The following PRDM5 variants were observed in gnomAD, a reference collection of about 807,000 sequenced individuals.
PRDM5 encodes PR domain zinc finger protein 5.
PRDM5 carries 56 observed loss-of-function variants against 81.2 expected under a neutral mutation model. That is an observed-to-expected ratio of 0.69 (90% CI 0.56 to 0.86). The LOEUF (loss-of-function observed/expected upper bound fraction) is 0.86. Among genes scored for constraint, PRDM5 ranks in the 40% least tolerant of loss-of-function variants. The pLI, the probability that PRDM5 is intolerant of heterozygous loss-of-function variation, is 0.00. For missense variants in PRDM5, 697 were observed against 770.1 expected (o/e 0.91, Z 1.12); for synonymous variants, 267 against 256.4 (o/e 1.04, Z -0.39).
chr4:120,888,773 T>A lies in PRDM5; in HGVS notation c.177+18701A>T, dbSNP rs79723083. On this transcript the variant is annotated intron_variant, in intron 2 of 15. Transcript: ENST00000264808. ...TTGCAAACATTTGACATTGTCTTTT[T>A]AATTTTAGTCATTTTGGTGAACATA... 9.8e-5 allele frequency among the ~76,000 whole-genome samples: 15 copies of A among 152,338 alleles called. No individual in the cohort carries two copies. The East Asian group carries it at 2.9e-3, about 29-fold the overall frequency.
rs2148982690 is a variant in PRDM5 at position 120,693,969 on chromosome 4, C to G, written c.*1142G>C. The G allele has an allele frequency of 6.6e-6, 1 of 152,064 alleles. No homozygotes were observed. Among genetic ancestry groups the G allele is most frequent in the South Asian group, 2.1e-4 (1 of 4,814 alleles). The allele number at this position is 152,064 out of a possible 1,614,324, so 9.4% of individuals were successfully genotyped here. Reference sequence around the variant, plus strand: ...AAATTATGCTTCTTGCTTCAATTTCCCTTAAGCATCAGTGACAGTTTCAAT... The same window carrying G: ...AAATTATGCTTCTTGCTTCAATTTCGCTTAAGCATCAGTGACAGTTTCAAT... On this transcript the variant is annotated 3_prime_UTR_variant, in exon 16 of 16. Coordinates refer to ENST00000264808, the MANE Select transcript of PRDM5 (RefSeq NM_018699.4).
intron 10 of PRDM5, among the ~76,000 whole-genome samples, chr4:120,793,598 T>C (rs1344213613): frequency 6.6e-6 from 1 of 152,212 alleles, no homozygotes; most frequent in East Asian, 1.9e-4. Context: ...TGTATTGTAC[T>C]TGAAGATTGC....
intron 8 of PRDM5, among the ~76,000 whole-genome samples, 193 bp from the exon 9 acceptor site, chr4:120,799,938 A>C (rs1209236116): frequency 6.6e-6 from 1 of 152,234 alleles, no homozygotes; most frequent in Non-Finnish European, 1.5e-5. Flanking sequence ...GTAGTAAAAA[A>C]TATCTTTTGA....
At chr4:120,746,833 G>A (rs1251081426) in intron 14 of PRDM5, among the ~76,000 whole-genome samples, 1 of 145,382 alleles carries the variant, frequency 6.9e-6, no homozygotes, top group African/African-American at 2.6e-5. Context: ...TACACTGTTG[G>A]TGGGACTGTA....
At chr4:120,776,306 C>T (rs907722189) in intron 13 of PRDM5, among the ~76,000 whole-genome samples, 6 of 152,294 alleles carry the variant, frequency 3.9e-5, no homozygotes, top group South Asian at 2.1e-4. Context: ...GTCCCTTCCT[C>T]CACCTATATC....
At chr4:120,739,633 C>G (rs1471577929) in intron 14 of PRDM5, among the ~76,000 whole-genome samples, 1 of 151,776 alleles carries the variant, frequency 6.6e-6, no homozygotes, top group South Asian at 2.1e-4. Flanking sequence ...GATAATTAAC[C>G]AACCCAAAAA....
At chr4:120,877,556 G>A (rs1009618467) in intron 2 of PRDM5, among the ~76,000 whole-genome samples, 6 of 152,184 alleles carry the variant, frequency 3.9e-5, no homozygotes, top group African/African-American at 1.4e-4. Flanking sequence ...TGTAATCCCA[G>A]CACTTTGGGA....
intron 3 of PRDM5, among the ~76,000 whole-genome samples, chr4:120,834,503 C>T (rs988164038): frequency 5.9e-5 from 9 of 152,076 alleles, no homozygotes; most frequent in African/African-American, 1.4e-4. Context: ...CCTCCAGAAC[C>T]GTGAGGAATA....
intron 3 of PRDM5, chr4:120,839,393 G>A (rs1757736220): frequency 3.0e-6 from 2 of 670,498 alleles, no homozygotes; most frequent in Non-Finnish European, 5.5e-6. Flanking sequence ...CACAGGCAGG[G>A]TATACCAATG....
intron 14 of PRDM5, among the ~76,000 whole-genome samples, chr4:120,712,489 G>A (rs1022333620): frequency 2.0e-5 from 3 of 151,966 alleles, no homozygotes; most frequent in African/African-American, 4.8e-5. Flanking sequence ...TACAGGTGCC[G>A]CTCTCAATTG....
intron 14 of PRDM5, among the ~76,000 whole-genome samples, chr4:120,750,072 T>TG (rs1327723344): frequency 3.8e-4 from 1 of 2,606 alleles, no homozygotes; most frequent in African/African-American, 4.2e-4. Flanking sequence ...ATAGAGCACC[T>TG]GAAAGTGGCT....
At chr4:120,867,768 A>C (rs1761354501) in intron 2 of PRDM5, among the ~76,000 whole-genome samples, 1 of 152,248 alleles carries the variant, frequency 6.6e-6, no homozygotes, top group Non-Finnish European at 1.5e-5. Flanking sequence ...AAGTCATCTA[A>C]AATTACAAAG....
At chr4:120,838,956 G>A (rs1757679436) in intron 3 of PRDM5, 1 of 508,062 alleles carries the variant, frequency 2.0e-6, no homozygotes, top group Non-Finnish European at 3.6e-6. Context: ...CTGCAGAAGG[G>A]TGGGCAGCTC....
chr4:120,689,397 C>G (rs1277717915), downstream of PRDM5, among the ~76,000 whole-genome samples: 1 of 151,902 alleles, frequency 6.6e-6, no homozygotes, highest in Non-Finnish European at 1.5e-5. Flanking sequence ...TGTACTTGAC[C>G]CTGCTTTATA....
At chr4:120,689,991 A>G (rs1337098185), downstream of PRDM5, among the ~76,000 whole-genome samples, 3 of 152,088 alleles carry the variant, frequency 2.0e-5, no homozygotes, top group African/African-American at 4.8e-5. Context: ...AAGTGTTATA[A>G]TCAATTAAAT....
chr4:120,920,155 T>C (rs1724710097), intron 1 of PRDM5, among the ~76,000 whole-genome samples: 1 of 152,178 alleles, frequency 6.6e-6, no homozygotes, highest in South Asian at 2.1e-4. Context: ...CTGGTGAATG[T>C]AATGAGGGTG....
At chr4:120,806,063 C>CA (rs1333150725) in intron 8 of PRDM5, among the ~76,000 whole-genome samples, 2 of 152,170 alleles carry the variant, frequency 1.3e-5, no homozygotes, top group Non-Finnish European at 2.9e-5. Context: ...AACAGAAAAA[C>CA]AGAGAGCCAA....
At chr4:120,853,285 T>C in intron 3 of PRDM5, 133 bp downstream of exon 3, 3 of 1,364,468 alleles carry the variant, frequency 2.2e-6, no homozygotes, top group Non-Finnish European at 2.1e-6. Context: ...CTAGATGAGA[T>C]TTCTCTGCTT....
At chr4:120,850,837 C>T (rs547157218) in intron 3 of PRDM5, among the ~76,000 whole-genome samples, 30 of 152,146 alleles carry the variant, frequency 2.0e-4, no homozygotes, top group Admixed American at 3.3e-4. Flanking sequence ...AAAAGTACTG[C>T]GTGGAATGTA....
Sources: allele counts gnomAD v4.1 joint callset (sites outside exome capture counted in the v4.1 genomes callset), GRCh38; gene constraint gnomAD v4.1.1; transcripts MANE v1.5; gene names NCBI Gene and HGNC (gene_info 2026-07-23, HGNC 2026-07-21).